Variants in HOMER2 observed in about 807,000 individuals in gnomAD.
HOMER2 encodes homer protein homolog 2.
Under a neutral mutation model 47.0 loss-of-function variants are expected in HOMER2, and 27 were observed. The ratio of observed to expected loss-of-function variants is 0.57; its 90% CI spans 0.42 to 0.79. The LOEUF (loss-of-function observed/expected upper bound fraction) is 0.79. Ranked by LOEUF, HOMER2 falls within the 30% of genes least tolerant of loss-of-function variation. The probability of loss-of-function intolerance (pLI) is 0.00; values close to 1 mark genes in which losing one functional copy is unlikely to be tolerated. For synonymous variants in HOMER2, 161 were observed against 163.8 expected, an observed-to-expected ratio of 0.98 and a Z score of 0.13; for missense variants, 443 against 435.0, an observed-to-expected ratio of 1.02 and a Z score of -0.16.
chr15:82,849,524 C>T lies in HOMER2; in HGVS notation c.*191G>A. 1 of 583,986 alleles carries T rather than the reference C, an allele frequency of 1.7e-6. No homozygotes were observed. Among genetic ancestry groups the T allele is most frequent in the East Asian group, 2.8e-5 (1 of 35,518 alleles). 36.2% of individuals were successfully genotyped at this position (583,986 alleles called of 1,614,324 possible). On this transcript the variant is annotated 3_prime_UTR_variant, in exon 9 of 9. Coordinates refer to ENST00000450735, the MANE Select transcript of HOMER2 (RefSeq NM_004839.4). ...TCAGAATCTTCCAGTTGTCCACAAC[C>T]TCACAAGGCCAGAGAAGCGAGAGGA...
chr15:82,973,064 G>A (rs2151258674), intron 1 of HOMER2, among the ~76,000 whole-genome samples: 1 of 152,286 alleles, frequency 6.6e-6, no homozygotes, highest in South Asian at 2.1e-4. Flanking sequence ...AAAGTAAAAG[G>A]AACTATAAAC....
intron 2 of HOMER2, among the ~76,000 whole-genome samples, chr15:82,889,358 A>T (rs1222366831): frequency 6.6e-6 from 1 of 152,260 alleles, no homozygotes; most frequent in Non-Finnish European, 1.5e-5. Flanking sequence ...TGGGACGTGC[A>T]GCTGGGCAGG....
upstream of HOMER2, chr15:82,952,803 T>A (rs1211973260): frequency 4.1e-6 from 3 of 735,522 alleles, no homozygotes; most frequent in Admixed American, 6.6e-5. Context: ...GCTCCTTACG[T>A]AACCTCGTGG....
intron 1 of HOMER2, among the ~76,000 whole-genome samples, chr15:82,945,030 C>T (rs1040420121): frequency 2.0e-5 from 3 of 152,092 alleles, no homozygotes; most frequent in African/African-American, 7.2e-5. Flanking sequence ...GGTCCACCAA[C>T]CAACCTTAGC....
chr15:82,928,939 C>CAAAAAAAAAAAAAAAAAA (rs1596362215), intron 1 of HOMER2, among the ~76,000 whole-genome samples: 4 of 18,690 alleles, frequency 2.1e-4, no homozygotes, highest in African/African-American at 1.8e-3. Context: ...AAAATAAAAA[C>CAAAAAAAAAAAAAAAAAA]TAAAAAAAAA....
intron 4 of HOMER2, among the ~76,000 whole-genome samples, chr15:82,863,160 C>G (rs970174288): frequency 6.6e-6 from 1 of 152,106 alleles, no homozygotes; most frequent in African/African-American, 2.4e-5. Context: ...CCTCCTGGTT[C>G]TCTTCCTGCA....
At position 82,892,847 on chromosome 15, in the gene HOMER2, A is replaced by T; in HGVS notation, c.6-6T>A. On this transcript the variant is annotated splice_region_variant and splice_polypyrimidine_tract_variant and intron_variant, in intron 1 of 8. Transcript: ENST00000450735. ...TGGTGAAGATGGGCTGTTCTCTGCA[A>T]TAAGAGAGTGGGCGTGTGAGTTGAG... 6.4e-7 allele frequency: 1 copy of T among 1,557,276 alleles called. No individual in the cohort carries two copies. Among genetic ancestry groups the T allele is most frequent in the African/African-American group, 1.3e-5 (1 of 74,228 alleles).
At chr15:82,902,594 C>T (rs2053156391) in intron 1 of HOMER2, among the ~76,000 whole-genome samples, 1 of 152,140 alleles carries the variant, frequency 6.6e-6, no homozygotes. Flanking sequence ...ACAAAATCTT[C>T]CCGAAGGAAC....
In HOMER2 at chr15:82,863,418, G is replaced by C. The variant is rs143669930; in HGVS notation, c.387+749C>G. On this transcript the variant is annotated intron_variant, in intron 4 of 8. Coordinates refer to ENST00000450735, the MANE Select transcript of HOMER2 (RefSeq NM_004839.4). ...AATTACCCAGTAATGAAGAATTCTAGGTCTTCACAGTATCTCCAAGCACAT... is the reference window on the plus strand; with the variant it reads ...AATTACCCAGTAATGAAGAATTCTACGTCTTCACAGTATCTCCAAGCACAT... Among the ~76,000 whole-genome samples the C allele has an allele frequency of 8.5e-3, 1,295 of 152,264 alleles. 13 individuals carry two copies. The highest frequency in any genetic ancestry group is 0.029 in the African/African-American group (1,221 of 41,546).
intron 1 of HOMER2, among the ~76,000 whole-genome samples, chr15:82,900,905 A>G (rs1384266324): frequency 2.0e-5 from 3 of 152,208 alleles, no homozygotes; most frequent in Admixed American, 2.0e-4. Flanking sequence ...AATACTTGTC[A>G]CAAATCCTCC....
Position 82,851,219 on chromosome 15 carries a change from G to T in HOMER2, c.775C>A (p.Leu259Ile). 6.4e-7 allele frequency: 1 copy of T among 1,561,046 alleles called. No individual in the cohort carries two copies. The change falls in exon 8 of 9, where the codon CTC (leucine) becomes ATC (isoleucine). Residue 259 changes from leucine to isoleucine, a missense_variant. Leu to Ile is a conservative substitution (Grantham distance 5, BLOSUM62 2). Coordinates refer to ENST00000450735, the MANE Select transcript of HOMER2 (RefSeq NM_004839.4). The stretch of plus-strand genomic sequence containing the variant: ...GGTATGATTTCACTTTGTTTTCGGA[G>T]ATCTTTCAGCTCCTACATGAAAAAA... ...LREKETELKD[L>I]RKQSEIIPQL...
rs892365005 is a variant in HOMER2 at position 82,965,347 on chromosome 15, C to T, written n.83-6039G>A. 5.3e-5 allele frequency among the ~76,000 whole-genome samples: 8 copies of T among 152,224 alleles called. No homozygotes were observed. The South Asian group carries it at 6.2e-4, about 12-fold the overall frequency. ...ATTTTCTAAATTAGATGAATTTATTCGCAATTAAACCTTAGGTAGTTTTCC... is the reference window on the plus strand; with the variant it reads ...ATTTTCTAAATTAGATGAATTTATTTGCAATTAAACCTTAGGTAGTTTTCC... On this transcript the variant is annotated intron_variant and non_coding_transcript_variant, in intron 1 of 1. Transcript: ENST00000500334.
intron 1 of HOMER2, among the ~76,000 whole-genome samples, chr15:82,906,186 T>C (rs1282403050): frequency 6.6e-6 from 1 of 152,042 alleles, no homozygotes; most frequent in Non-Finnish European, 1.5e-5. Flanking sequence ...AGAAGTATAA[T>C]TGATATGCTA....
chr15:82,949,476 G>A (rs2151236020), intron 1 of HOMER2, among the ~76,000 whole-genome samples: 1 of 152,282 alleles, frequency 6.6e-6, no homozygotes, highest in African/African-American at 2.4e-5. Flanking sequence ...GAGAGGTGAA[G>A]TGAGGTGAGG....
intron 1 of HOMER2, among the ~76,000 whole-genome samples, chr15:82,896,719 CAG>C (rs35463086): frequency 0.38 from 58,064 of 151,966 alleles, 12,060 homozygotes; most frequent in Non-Finnish European, 0.47. Context: ...CCTGGGCAAA[CAG>C]GGGAGGATTG....
intron 1 of HOMER2, among the ~76,000 whole-genome samples, chr15:82,899,792 G>A (rs372538899): frequency 1.3e-5 from 2 of 152,154 alleles, no homozygotes; most frequent in East Asian, 1.9e-4. Context: ...AGAGGCCAAG[G>A]TGGGCGGATC....
At chr15:82,867,583 T>G (rs1288442411) in intron 3 of HOMER2, among the ~76,000 whole-genome samples, 2 of 152,152 alleles carry the variant, frequency 1.3e-5, no homozygotes, top group Non-Finnish European at 2.9e-5. Flanking sequence ...GTTGGAAATG[T>G]AAATCAAAAT....
intron 1 of HOMER2, among the ~76,000 whole-genome samples, chr15:82,910,968 G>A (rs182691074): frequency 7.9e-5 from 12 of 152,234 alleles, no homozygotes; most frequent in African/African-American, 2.9e-4. Flanking sequence ...TTCAGTCTGT[G>A]TGAGGTAGGG....
chr15:82,849,386 C>T lies in HOMER2; in HGVS notation c.*329G>A, dbSNP rs2051313746. 3.8e-6 allele frequency: 1 copy of T among 260,624 alleles called. No individual in the cohort carries two copies. Among genetic ancestry groups the T allele is most frequent in the Non-Finnish European group, 7.2e-6 (1 of 138,092 alleles). The allele number at this position is 260,624 out of a possible 1,614,324, so 16.1% of individuals were successfully genotyped here. A position where few individuals can be genotyped will look rare whatever the true frequency, so the allele number is the denominator to read the frequency against. ...GTAAAGAATATCAATATTTGGATTACAAAATGCGTGTTTTTTCAGTTCATA... is the reference window on the plus strand; with the variant it reads ...GTAAAGAATATCAATATTTGGATTATAAAATGCGTGTTTTTTCAGTTCATA... On this transcript the variant is annotated 3_prime_UTR_variant, in exon 9 of 9. Transcript: ENST00000450735.
Sources: gnomAD v4.1 joint callset for allele counts (sites outside exome capture counted in the v4.1 genomes callset) on GRCh38, gnomAD v4.1.1 for gene constraint, MANE v1.5 for transcripts, NCBI Gene and HGNC (gene_info 2026-07-23, HGNC 2026-07-21) for gene names.